MBP: variants seen among roughly 807,000 people sequenced by gnomAD.
MBP encodes the protein Golli-MBP.
MBP carries 16 observed loss-of-function variants against 35.8 expected under a neutral mutation model. The ratio of observed to expected loss-of-function variants is 0.45; its 90% CI spans 0.30 to 0.68. MBP has a LOEUF of 0.68. Ranked by LOEUF, MBP falls within the 30% of genes least tolerant of loss-of-function variation. The pLI is 0.08. For synonymous variants in MBP, 143 were observed against 159.6 expected, an observed-to-expected ratio of 0.90 and a Z score of 0.78; for missense variants, 380 against 404.7, an observed-to-expected ratio of 0.94 and a Z score of 0.52.
rs956749292 is a variant in MBP, at chr18:76,986,965, A to T, written c.750+1530T>A. The T allele has an allele frequency of 4.1e-6, 4 of 985,362 alleles. No individual in the cohort carries two copies. In the African/African-American group the frequency reaches 7.0e-5, roughly 17 times the overall value. The allele number at this position is 985,362 out of a possible 1,614,324, so 61.0% of individuals were successfully genotyped here. On this transcript the variant is annotated intron_variant, in intron 7 of 8. Transcript: ENST00000355994. ...TGGGGGCTCTCTGGAACTCCAGACAAGGAGAGAGTCCTGCGGCTCTGGGAA... is the reference window on the plus strand; with the variant it reads ...TGGGGGCTCTCTGGAACTCCAGACATGGAGAGAGTCCTGCGGCTCTGGGAA...
At chr18:77,117,657 G>C (rs980223889) in intron 1 of MBP, among the ~76,000 whole-genome samples, 13 of 151,036 alleles carry the variant, frequency 8.6e-5, no homozygotes, top group African/African-American at 2.9e-4. Context: ...TCTGTGGATG[G>C]GTTATTTCCT....
rs878872732 is a variant in MBP, at chr18:77,101,411, C to T, written c.51+3800G>A. ...GTCAAAGGCAGAACAGGAGTTTCTT[C>T]GTTTCTGAGAAGGAGCGCTGTGCCC... is the stretch of plus-strand genomic sequence containing the variant. On this transcript the variant is annotated intron_variant, in intron 2 of 8. Transcript: ENST00000355994. This position sits in a 1 kb window ranked among gnomAD's most constrained non-coding sequence, Gnocchi z 4.3. Among the ~76,000 whole-genome samples the T allele has an allele frequency of 2.0e-5, 3 of 152,350 alleles. No homozygotes were observed. The highest frequency in any genetic ancestry group is 3.4e-3 in the Middle Eastern group (1 of 294).
intron 3 of MBP, among the ~76,000 whole-genome samples, chr18:77,052,864 AC>A (rs1186853462): frequency 6.6e-6 from 1 of 150,692 alleles, no homozygotes; most frequent in African/African-American, 2.4e-5. Context: ...CGCCATGTAT[AC>A]CCCCCGGGTG....
chr18:77,024,910 C>T (rs1046195412), intron 3 of MBP, among the ~76,000 whole-genome samples: 8 of 152,328 alleles, frequency 5.3e-5, no homozygotes, highest in South Asian at 2.1e-4. Flanking sequence ...ACCTGGGTGA[C>T]GTGTCCTCCC....
In MBP at chr18:77,012,072, A is replaced by T. The variant is rs573688720; in HGVS notation, c.576+4760T>A. 2.6e-5 allele frequency among the ~76,000 whole-genome samples: 4 copies of T among 152,368 alleles called. No homozygotes were observed. The South Asian group carries it at 8.3e-4, about 32-fold the overall frequency. On this transcript the variant is annotated intron_variant, in intron 4 of 8. Transcript: ENST00000355994. ...ATGCAAATGAGTTTAAAGGGAGGAG[A>T]TGAGTTAAGACGAGGGTCTGATGGG...
At chr18:77,009,943 A>T (rs1971247403) in intron 4 of MBP, 1 of 1,563,568 alleles carries the variant, frequency 6.4e-7, no homozygotes, top group African/African-American at 1.4e-5. Flanking sequence ...GGGGACACAG[A>T]GTGGGCTGCG....
chr18:77,115,194 G>A lies in MBP; in HGVS notation c.-25-9908C>T, dbSNP rs368442502. ...ATCCACAGGGTCAACATGACCCCGG[G>A]CCCTGGTCTTAGTAACTAGAGGAAA... On this transcript the variant is annotated intron_variant, in intron 1 of 8. Coordinates refer to ENST00000355994, the MANE Select transcript of MBP (RefSeq NM_001025101.2). 6.6e-5 allele frequency: 10 copies of A among 152,308 alleles called. 1 individual carries two copies. In the East Asian group the frequency reaches 1.4e-3, roughly 21 times the overall value. The allele number at this position is 152,308 out of a possible 1,614,324, so 9.4% of individuals were successfully genotyped here.
chr18:77,086,011 A>G (rs1226409083), intron 2 of MBP, among the ~76,000 whole-genome samples: 1 of 152,178 alleles, frequency 6.6e-6, no homozygotes, highest in African/African-American at 2.4e-5. Flanking sequence ...AGAGAGTGAC[A>G]GACAGACAGA....
intron 2 of MBP, among the ~76,000 whole-genome samples, chr18:77,086,707 A>G (rs1475466876): frequency 6.6e-6 from 1 of 152,240 alleles, no homozygotes. Context: ...TTTAATGCAC[A>G]TTATTACAAG....
At chr18:77,052,727 C>T (rs1008814654) in intron 3 of MBP, among the ~76,000 whole-genome samples, 33 of 152,202 alleles carry the variant, frequency 2.2e-4, no homozygotes, top group African/African-American at 7.7e-4. Context: ...TAATCCCCCA[C>T]GGGAACACAG....
At chr18:77,111,461 C>T (rs1284760835) in intron 1 of MBP, among the ~76,000 whole-genome samples, 1 of 152,234 alleles carries the variant, frequency 6.6e-6, no homozygotes, top group Non-Finnish European at 1.5e-5. Context: ...AGAGGATTGT[C>T]GTGCCCCTTT....
chr18:77,034,586 G>T (rs11663170), intron 3 of MBP, among the ~76,000 whole-genome samples: 1 of 152,074 alleles, frequency 6.6e-6, no homozygotes, highest in African/African-American at 2.4e-5. Flanking sequence ...CTCCCACAGT[G>T]GAGCCTCCCG....
chr18:77,087,787 G>T (rs1007426147), intron 2 of MBP: 6 of 152,052 alleles, frequency 3.9e-5, no homozygotes, highest in Non-Finnish European at 5.9e-5. Context: ...TCCTCCCAGG[G>T]TCGCCCTGGG....
chr18:77,069,343 G>C (rs1568323503), intron 2 of MBP, among the ~76,000 whole-genome samples: 2 of 152,134 alleles, frequency 1.3e-5, no homozygotes, highest in African/African-American at 4.8e-5. Flanking sequence ...CCTCAGCTAG[G>C]AATTCATGTC....
chr18:77,086,740 C>T (rs926273173), intron 2 of MBP, among the ~76,000 whole-genome samples: 3 of 152,184 alleles, frequency 2.0e-5, no homozygotes, highest in Admixed American at 2.0e-4. Flanking sequence ...CCATAAAAAA[C>T]CGATTTTCTT....
chr18:77,014,082 C>T (rs974607502), intron 4 of MBP: 2 of 984,586 alleles, frequency 2.0e-6, no homozygotes, highest in Non-Finnish European at 2.4e-6. Flanking sequence ...AAGGCAACAA[C>T]AGTCCTTTCT....
At chr18:76,986,736 C>G (rs1969579611) in intron 7 of MBP, 1 of 985,388 alleles carries the variant, frequency 1.0e-6, no homozygotes, top group African/African-American at 1.7e-5. Context: ...GGCAGAAAGC[C>G]ACTTCCCTGC....
chr18:76,993,824 G>A (rs1970112939), intron 4 of MBP, among the ~76,000 whole-genome samples: 1 of 152,170 alleles, frequency 6.6e-6, no homozygotes, highest in Non-Finnish European at 1.5e-5. Context: ...GAGGAGTGGA[G>A]TTTGCACGCT....
At chr18:77,018,311 C>T (rs900768089) in intron 3 of MBP, among the ~76,000 whole-genome samples, 3 of 147,392 alleles carry the variant, frequency 2.0e-5, no homozygotes, top group Non-Finnish European at 4.5e-5. Context: ...CATCCATCCA[C>T]ATATCAGTCC....
Sources: allele counts gnomAD v4.1 joint callset (sites outside exome capture counted in the v4.1 genomes callset), GRCh38; gene constraint gnomAD v4.1.1; non-coding constraint Gnocchi (gnomAD v3.1); transcripts MANE v1.5; gene names NCBI Gene and HGNC (gene_info 2026-07-23, HGNC 2026-07-21).